Variants in INCENP observed in about 807,000 individuals in gnomAD.
INCENP encodes inner centromere protein.
A neutral mutation model predicts 107.3 loss-of-function variants in INCENP; 43 were observed. The observed-to-expected ratio is 0.40, with a 90% CI of 0.31 to 0.52. The LOEUF is 0.52. INCENP is among the 20% of genes least tolerant of loss of function. The pLI is 0.53. For synonymous variants in INCENP, 488 were observed against 494.4 expected (o/e 0.99, Z 0.17); for missense variants, 1,089 against 1,250.9 (o/e 0.87, Z 1.95).
Position 62,145,179 on chromosome 11 carries a change from G to A in INCENP, c.1726G>A (p.Glu576Lys), listed in dbSNP as rs756994914. 2 of 1,614,144 alleles carry A rather than the reference G, an allele frequency of 1.2e-6. No homozygotes were observed. The highest frequency in any genetic ancestry group is 1.7e-5 in the Admixed American group (1 of 60,036). ...RLEEVKLKRE[E>K]RLRKVLQARE... is the part of the protein sequence containing the mutation. ...TCCTATGCCCCGCAGGAAGCGTGAG[G>A]AACGCCTCCGCAAGGTGCTGCAGGC... The change falls in exon 13 of 19, where the codon GAA (glutamate) becomes AAA (lysine). Residue 576 changes from glutamate (E) to lysine (K), a missense_variant. Physicochemically the swap from Glu to Lys is moderately conservative, Grantham distance 56. Transcript: ENST00000394818.
At chr11:62,140,162 C>T (rs1039241460) in intron 7 of INCENP, 72 bp from the exon 8 acceptor site, 2 of 1,363,902 alleles carry the variant, frequency 1.5e-6, no homozygotes, top group Non-Finnish European at 2.1e-6. Context: ...GGACCCCTTC[C>T]CCCTACACCC....
chr11:62,125,673 GC>G (rs1943733415), intron 1 of INCENP, among the ~76,000 whole-genome samples: 1 of 152,266 alleles, frequency 6.6e-6, no homozygotes, highest in Non-Finnish European at 1.5e-5. Context: ...TTTATTTGGT[GC>G]CCTTTGTGTG....
chr11:62,145,797 G>T, intron 14 of INCENP, 46 bp downstream of exon 14: 1 of 1,532,704 alleles, frequency 6.5e-7, no homozygotes, highest in Non-Finnish European at 8.8e-7. Context: ...CGGGGTGGGC[G>T]CTGTCTCAGC....
At chr11:62,137,923 AC>A in intron 5 of INCENP, 40 bp downstream of exon 5, 2 of 1,580,826 alleles carry the variant, frequency 1.3e-6, no homozygotes, top group Non-Finnish European at 1.7e-6. Flanking sequence ...GGCAGGGCAT[AC>A]CAGGACAGGG....
chr11:62,128,936 G>C (rs1943818098), intron 3 of INCENP, 53 bp downstream of exon 3: 10 of 1,199,672 alleles, frequency 8.3e-6, no homozygotes, highest in Admixed American at 3.5e-5. Context: ...CGGAGGCTTG[G>C]TGCCATCTGG....
rs141701917 is a variant in INCENP at position 62,126,685 on chromosome 11, A to G, written c.-11-1466A>G. On this transcript the variant is annotated intron_variant, in intron 1 of 18. Transcript: ENST00000394818. ...GGTTGTCTCTTGGAATCCTCAGGGGATTGGTTCCAGGACCTCCTTTGGATA... is the reference window on the plus strand; with the variant it reads ...GGTTGTCTCTTGGAATCCTCAGGGGGTTGGTTCCAGGACCTCCTTTGGATA... Among the ~76,000 whole-genome samples, 226 of 152,302 alleles carry G rather than the reference A, an allele frequency of 1.5e-3. 1 individual carries two copies. Among genetic ancestry groups the G allele is most frequent in the African/African-American group, 5.0e-3 (208 of 41,574 alleles).
intron 4 of INCENP, 48 bp from the exon 5 acceptor site, chr11:62,137,784 C>A (rs1944024024): frequency 6.3e-7 from 1 of 1,576,052 alleles, no homozygotes; most frequent in African/African-American, 1.3e-5. Flanking sequence ...AGAGTGGGAC[C>A]TGTGTGGTCT....
In INCENP at chr11:62,152,150, C is replaced by T; in HGVS notation, c.*174C>T. On this transcript the variant is annotated 3_prime_UTR_variant, in exon 19 of 19. Coordinates refer to ENST00000394818, the MANE Select transcript of INCENP (RefSeq NM_001040694.2). ...TGTTTCTGCTGCAGGTGGCAGGTGGCCCCAGGCCTGTTTGGAGGATGGGCT... is the reference window on the plus strand; with the variant it reads ...TGTTTCTGCTGCAGGTGGCAGGTGGTCCCAGGCCTGTTTGGAGGATGGGCT... The T allele has an allele frequency of 3.3e-6, 1 of 304,418 alleles. No individual in the cohort carries two copies. Among genetic ancestry groups the T allele is most frequent in the East Asian group, 1.1e-4 (1 of 9,108 alleles). The allele number at this position is 304,418 out of a possible 1,614,324, so 18.9% of individuals were successfully genotyped here. A position where few individuals can be genotyped will look rare whatever the true frequency, so the allele number is the denominator to read the frequency against.
At chr11:62,144,628 C>T (rs953381220) in intron 11 of INCENP, among the ~76,000 whole-genome samples, 3 of 152,216 alleles carry the variant, frequency 2.0e-5, no homozygotes, top group Admixed American at 2.0e-4. Flanking sequence ...CCTCACCCTT[C>T]CAAGCTCATC....
chr11:62,150,145 A>G lies in INCENP; in HGVS notation c.2480A>G (p.Asn827Ser), dbSNP rs374011476. 6.2e-6 allele frequency: 10 copies of G among 1,614,042 alleles called. No individual in the cohort carries two copies. Among genetic ancestry groups the G allele is most frequent in the Non-Finnish European group, 8.5e-6 (10 of 1,179,996 alleles). The change falls in exon 18 of 19, where the codon AAT becomes AGT. Residue 827 changes from asparagine to serine, a missense_variant. Transcript: ENST00000394818. ...CCAGATAACTACGGGATGGATCTGAATAGCGACGACTCCACCGATGATGAG... is the reference window on the plus strand; with the variant it reads ...CCAGATAACTACGGGATGGATCTGAGTAGCGACGACTCCACCGATGATGAG... ...INPDNYGMDL[N>S]SDDSTDDEAH...
At chr11:62,135,956 C>T (rs548978131) in intron 4 of INCENP, among the ~76,000 whole-genome samples, 1 of 152,192 alleles carries the variant, frequency 6.6e-6, no homozygotes, top group Non-Finnish European at 1.5e-5. Flanking sequence ...ACTACAGGCG[C>T]CCACCACTAC....
At chr11:62,139,140 G>T (rs904847519) in intron 7 of INCENP, 135 bp downstream of exon 7, 10 of 658,492 alleles carry the variant, frequency 1.5e-5, no homozygotes, top group African/African-American at 1.4e-4. Flanking sequence ...TAAACCTGGG[G>T]GTGCAGAGAT....
Position 62,130,587 on chromosome 11 carries a change from A to G in INCENP, c.1060A>G (p.Ile354Val), listed in dbSNP as rs1003280186. Residue 354 changes from isoleucine (I) to valine (V), a missense_variant, in exon 4 of 19, where the codon ATC (isoleucine) becomes GTC (valine). Coordinates refer to ENST00000394818, the MANE Select transcript of INCENP (RefSeq NM_001040694.2). ...AGAGCCAGCTGCCTCTGGCCGCATC[A>G]TCTGTGAGTCTGGGGGCTTGGCAGT... ...AEEPAASGRIICHSYLERLLN... is the reference protein window; with the variant it reads ...AEEPAASGRIVCHSYLERLLN... The G allele has an allele frequency of 1.9e-6, 3 of 1,609,848 alleles. No homozygotes were observed. Among genetic ancestry groups the G allele is most frequent in the Non-Finnish European group, 2.5e-6 (3 of 1,177,668 alleles).
At chr11:62,139,712 G>T (rs1675125) in intron 7 of INCENP, among the ~76,000 whole-genome samples, 124,204 of 152,192 alleles carry the variant, frequency 0.82, 51,717 homozygotes, top group Middle Eastern at 0.95. Flanking sequence ...CCTGCTGTCA[G>T]GGCCACACCA....
chr11:62,143,079 C>G (rs1293155940), intron 11 of INCENP, among the ~76,000 whole-genome samples: 1 of 152,220 alleles, frequency 6.6e-6, no homozygotes, highest in Non-Finnish European at 1.5e-5. Flanking sequence ...ACAGCTCCTC[C>G]TCTGAGTTTT....
intron 1 of INCENP, among the ~76,000 whole-genome samples, chr11:62,126,561 T>C (rs7927359): frequency 0.57 from 85,894 of 151,940 alleles, 25,770 homozygotes; most frequent in Non-Finnish European, 0.67. Flanking sequence ...GGCATGCAGT[T>C]TGTTGTTATG....
chr11:62,127,553 A>G (rs1943779407), intron 1 of INCENP, among the ~76,000 whole-genome samples: 1 of 152,216 alleles, frequency 6.6e-6, no homozygotes, highest in Non-Finnish European at 1.5e-5. Flanking sequence ...ATATCTCTGG[A>G]TCACTACTTT....
At chr11:62,149,467 G>T (rs544198960) in intron 17 of INCENP, among the ~76,000 whole-genome samples, 1 of 152,312 alleles carries the variant, frequency 6.6e-6, no homozygotes, top group South Asian at 2.1e-4. Flanking sequence ...TTGGAAGTTA[G>T]TATGGTATCT....
At chr11:62,145,429 C>T in intron 13 of INCENP, 140 bp downstream of exon 13, 2 of 1,392,658 alleles carry the variant, frequency 1.4e-6, no homozygotes, top group Non-Finnish European at 2.0e-6. Context: ...GGAGTCCACT[C>T]AGCTCTGGGT....
Sources: gnomAD v4.1 joint callset for allele counts (sites outside exome capture counted in the v4.1 genomes callset) on GRCh38, gnomAD v4.1.1 for gene constraint, MANE v1.5 for transcripts, NCBI Gene and HGNC (gene_info 2026-07-23, HGNC 2026-07-21) for gene names.